Variants in COL6A3 observed in about 807,000 individuals in gnomAD.
The protein encoded by COL6A3 is collagen type VI alpha 3 chain, also known as collagen alpha-3(VI) chain.
COL6A3 carries 137 observed loss-of-function variants against 274.1 expected under a neutral mutation model. The ratio of observed to expected loss-of-function variants is 0.50; its 90% CI spans 0.44 to 0.58. COL6A3 has a LOEUF of 0.58. Among genes scored for constraint, COL6A3 ranks in the 20% least tolerant of loss-of-function variants. COL6A3 has a pLI of 0.00. For missense variants in COL6A3, 3,950 were observed against 4,124.9 expected, an observed-to-expected ratio of 0.96 and a Z score of 1.16; for synonymous variants, 1,650 against 1,650.6, an observed-to-expected ratio of 1.00 and a Z score of 0.01.
Position 237,368,729 on chromosome 2 carries a change from G to T in COL6A3, c.4734C>A (p.Ile1578=), listed in dbSNP as rs774809714. The part of the protein sequence containing the change: ...IVSLGVGDRN[I]DRTELQTITN... ...TGATGGTCTGCAGCTCTGTTCTGTCGATGTTCCGGTCTCCTACCCCTAAAC... is the reference window on the plus strand; with the variant it reads ...TGATGGTCTGCAGCTCTGTTCTGTCTATGTTCCGGTCTCCTACCCCTAAAC... The change falls in exon 10 of 44, where the codon ATC becomes ATA. Residue 1578 remains isoleucine (I), a synonymous_variant. Transcript: ENST00000295550. The surrounding 1 kb of genome is among the most constrained non-coding windows in gnomAD (Gnocchi z 4.4). 3 of 1,614,164 alleles carry T rather than the reference G, an allele frequency of 1.9e-6. No homozygotes were observed. The highest frequency in any genetic ancestry group is 3.3e-4 in the Middle Eastern group (2 of 6,062).
chr2:237,354,008 A>G (rs1396563983), intron 24 of COL6A3, among the ~76,000 whole-genome samples: 1 of 149,674 alleles, frequency 6.7e-6, no homozygotes, highest in African/African-American at 2.5e-5. Flanking sequence ...ATAGCTACAA[A>G]GAATTTTTTT....
In COL6A3 at chr2:237,371,148, C is replaced by T; in HGVS notation, c.4285+584G>A. Among the ~76,000 whole-genome samples, 1 of 152,204 alleles carries T rather than the reference C, an allele frequency of 6.6e-6. No individual in the cohort carries two copies. The highest frequency in any genetic ancestry group is 1.5e-5 in the Non-Finnish European group (1 of 68,040). On this transcript the variant is annotated intron_variant, in intron 9 of 43. Transcript: ENST00000295550. This position sits in a 1 kb window ranked among gnomAD's most constrained non-coding sequence, Gnocchi z 4.3. ...TTAAGCCTTCCACAAAATGACCTGC[C>T]ACTAGCTCAAGTCCCCCCAGTCCTT...
intron 26 of COL6A3, among the ~76,000 whole-genome samples, chr2:237,351,404 T>A (rs2077203645): frequency 1.3e-5 from 2 of 152,234 alleles, no homozygotes; most frequent in Non-Finnish European, 2.9e-5. Context: ...ATTTAAAACA[T>A]GAGTATTACC....
At chr2:237,384,281 A>G (rs1461579290) in intron 4 of COL6A3, among the ~76,000 whole-genome samples, 1 of 152,120 alleles carries the variant, frequency 6.6e-6, no homozygotes, top group Non-Finnish European at 1.5e-5. Context: ...TCCACTTGAC[A>G]TAAATATCAA....
chr2:237,375,776 C>T (rs1454023479), intron 7 of COL6A3, among the ~76,000 whole-genome samples: 1 of 152,232 alleles, frequency 6.6e-6, no homozygotes, highest in Non-Finnish European at 1.5e-5. Flanking sequence ...CTCCTGACCT[C>T]AGGCAATGGG....
Position 237,376,831 on chromosome 2 carries a change from T to C in COL6A3, c.3011A>G (p.Asp1004Gly), listed in dbSNP as rs1194314017. The change falls in exon 7 of 44, where the codon GAT becomes GGT. Residue 1004 changes from aspartate to glycine, a missense_variant. This residue lies in a region of COL6A3 where 1,934 missense variants were observed against 1,984.3 expected (regional missense o/e 0.97). Coordinates refer to ENST00000295550, the MANE Select transcript of COL6A3 (RefSeq NM_004369.4). ...GAGATTCACTATCTGTGGATGAAGA[T>C]CTCCAATCTTGGGAAGCGACTCTGC... ...LAAESLPKIG[D>G]LHPQIVNLLK... is the part of the protein sequence containing the mutation. The C allele has an allele frequency of 1.2e-6, 2 of 1,614,064 alleles. No individual in the cohort carries two copies. Among genetic ancestry groups the C allele is most frequent in the Non-Finnish European group, 1.7e-6 (2 of 1,180,040 alleles).
chr2:237,350,261 T>C (rs2106330787), intron 27 of COL6A3, 52 bp from the exon 28 acceptor site: 1 of 1,561,204 alleles, frequency 6.4e-7, no homozygotes. Context: ...TGGCTTACAG[T>C]GTGATGCCAA....
Position 237,370,516 on chromosome 2 carries a change from C to T in COL6A3, c.4285+1216G>A, listed in dbSNP as rs575986044. Among the ~76,000 whole-genome samples, 42 of 152,212 alleles carry T rather than the reference C, an allele frequency of 2.8e-4. 1 individual carries two copies. In the South Asian group the frequency reaches 7.3e-3, roughly 26 times the overall value. On this transcript the variant is annotated intron_variant, in intron 9 of 43. Coordinates refer to ENST00000295550, the MANE Select transcript of COL6A3 (RefSeq NM_004369.4). ...CCTCCCAAAGTGCTGGGATTACAGG[C>T]GTGAGCCACCACGCCCAGCCTAGTG...
At chr2:237,331,898 C>G (rs1010240090) in intron 42 of COL6A3, among the ~76,000 whole-genome samples, 2 of 150,202 alleles carry the variant, frequency 1.3e-5, no homozygotes, top group Admixed American at 6.6e-5. Flanking sequence ...TATTTAGATT[C>G]ATCTGTATCA....
chr2:237,399,309 G>A (rs1005251095), intron 1 of COL6A3, among the ~76,000 whole-genome samples: 2 of 152,190 alleles, frequency 1.3e-5, no homozygotes, highest in Non-Finnish European at 1.5e-5. Context: ...CAGGCAGGTG[G>A]TATACTTGCT....
Position 237,351,185 on chromosome 2 carries a change from C to G in COL6A3, c.6761G>C (p.Gly2254Ala), listed in dbSNP as rs2077198936. 2 of 1,614,064 alleles carry G rather than the reference C, an allele frequency of 1.2e-6. No individual in the cohort carries two copies. Among genetic ancestry groups the G allele is most frequent in the Non-Finnish European group, 1.7e-6 (2 of 1,180,020 alleles). Reference protein sequence around the residue: ...EQGISGPRGSGGAAGAPGERG... With the variant: ...EQGISGPRGSAGAAGAPGERG... ...TTCTCCAGGAGCACCAGCGGCACCT[C>G]CGCTTCCCTGGAGCAGGAGGGGAGG... The change falls in exon 27 of 44, where the codon GGA becomes GCA. Residue 2254 changes from glycine to alanine, a missense_variant. Coordinates refer to ENST00000295550, the MANE Select transcript of COL6A3 (RefSeq NM_004369.4).
chr2:237,373,943 A>G (rs1055266994), intron 8 of COL6A3, among the ~76,000 whole-genome samples: 1 of 152,166 alleles, frequency 6.6e-6, no homozygotes, highest in South Asian at 2.1e-4. Context: ...AATTATCTTC[A>G]CACCTTGGCT....
At chr2:237,401,573 G>A (rs928396569) in intron 1 of COL6A3, among the ~76,000 whole-genome samples, 7 of 152,086 alleles carry the variant, frequency 4.6e-5, no homozygotes, top group African/African-American at 1.7e-4. Context: ...CACAGAGTAT[G>A]GCAAAATGCC....
chr2:237,404,608 G>T (rs1486590412), intron 1 of COL6A3, among the ~76,000 whole-genome samples: 1 of 152,188 alleles, frequency 6.6e-6, no homozygotes, highest in East Asian at 1.9e-4. Flanking sequence ...AAGAGCTGCA[G>T]ACACCTGTGC....
intron 4 of COL6A3, among the ~76,000 whole-genome samples, chr2:237,382,384 A>C (rs2078030505): frequency 6.7e-6 from 1 of 148,816 alleles, no homozygotes; most frequent in African/African-American, 2.5e-5. Context: ...TTTCATCTCC[A>C]AAAAAAAAAC....
intron 18 of COL6A3, 24 bp from the exon 19 acceptor site, chr2:237,359,274 G>T: frequency 6.2e-7 from 1 of 1,614,168 alleles, no homozygotes; most frequent in Non-Finnish European, 8.5e-7. Context: ...AGGCGGACAG[G>T]TAAGTATAGA....
chr2:237,381,369 A>T lies in COL6A3; in HGVS notation c.1443T>A (p.Leu481=), dbSNP rs2078001418. ...VIQRLEIGQD[L]IQVAVAQYAD... ...CATACTGGGCCACTGCCACCTGGAT[A>T]AGATCCTGTCCGATTTCCAGCCTCT... The change falls in exon 5 of 44, where the codon CTT becomes CTA. Residue 481 remains leucine (L), a synonymous_variant. Transcript: ENST00000295550. 3 of 1,614,230 alleles carry T rather than the reference A, an allele frequency of 1.9e-6. No homozygotes were observed. The South Asian group carries it at 3.3e-5, about 18-fold the overall frequency.
At chr2:237,412,483 G>A (rs1052673119) in intron 1 of COL6A3, among the ~76,000 whole-genome samples, 1 of 152,216 alleles carries the variant, frequency 6.6e-6, no homozygotes, top group Non-Finnish European at 1.5e-5. Flanking sequence ...CCTGGCCTGG[G>A]CAAGGAATTC....
chr2:237,352,568 G>T lies in COL6A3; in HGVS notation c.6707C>A (p.Ala2236Asp). The T allele has an allele frequency of 6.2e-7, 1 of 1,613,670 alleles. No individual in the cohort carries two copies. Among genetic ancestry groups the T allele is most frequent in the Non-Finnish European group, 8.5e-7 (1 of 1,179,838 alleles). Residue 2236 changes from alanine to aspartate, a missense_variant, in exon 26 of 44, where the codon GCT becomes GAT. Transcript: ENST00000295550. ...TRGAQGPAGPAGPPGLIGEQG... is the reference protein window; with the variant it reads ...TRGAQGPAGPDGPPGLIGEQG... ...TTCTCCTATCAGCCCTGGAGGACCA[G>T]CAGGACCAGCTGGGCCCTGAGGAAG...
Sources: gnomAD v4.1 joint callset for allele counts (sites outside exome capture counted in the v4.1 genomes callset) on GRCh38, gnomAD v4.1.1 for gene constraint, gnomAD v4.1.1 regional missense constraint, Gnocchi (gnomAD v3.1) non-coding constraint, MANE v1.5 for transcripts, NCBI Gene and HGNC (gene_info 2026-07-23, HGNC 2026-07-21) for gene names.